SGCZ: variants seen among roughly 807,000 people sequenced by gnomAD.
SGCZ encodes the protein sarcoglycan zeta.
In SGCZ, 40 loss-of-function variants were observed where a neutral mutation model predicts 41.3. That is an observed-to-expected ratio of 0.97 (90% CI 0.75 to 1.26). The LOEUF (loss-of-function observed/expected upper bound fraction) is 1.26, where lower values mean the gene tolerates loss of function less well. Among genes scored for constraint, SGCZ ranks in the 50% most tolerant of loss-of-function variants. The pLI is 0.00. For synonymous variants in SGCZ, 206 were observed against 137.5 expected, an observed-to-expected ratio of 1.50 and a Z score of -3.49; for missense variants, 552 against 369.8, an observed-to-expected ratio of 1.49 and a Z score of -4.04.
intron 1 of SGCZ, among the ~76,000 whole-genome samples, chr8:14,863,802 T>C (rs754564020): frequency 6.6e-6 from 1 of 152,258 alleles, no homozygotes; most frequent in East Asian, 1.9e-4. Flanking sequence ...CCACATCATG[T>C]GAAGACTGGG....
At chr8:14,685,672 A>T (rs1808588798) in intron 1 of SGCZ, among the ~76,000 whole-genome samples, 1 of 152,088 alleles carries the variant, frequency 6.6e-6, no homozygotes. Flanking sequence ...TCATTTCCAT[A>T]TCTACATTAA....
chr8:14,916,834 G>A (rs1468578165), intron 1 of SGCZ, among the ~76,000 whole-genome samples: 1 of 151,980 alleles, frequency 6.6e-6, no homozygotes, highest in African/African-American at 2.4e-5. Flanking sequence ...TGGGTACTTT[G>A]TAAAAATAGA....
chr8:14,132,111 C>T (rs1019900419), intron 5 of SGCZ, among the ~76,000 whole-genome samples: 1 of 152,036 alleles, frequency 6.6e-6, no homozygotes, highest in Non-Finnish European at 1.5e-5. Context: ...CCCAGAGGTC[C>T]CTTAGCCTGT....
chr8:14,988,025 T>C (rs917276029), intron 1 of SGCZ, among the ~76,000 whole-genome samples: 10 of 151,990 alleles, frequency 6.6e-5, no homozygotes, highest in Non-Finnish European at 1.3e-4. Flanking sequence ...ACATTTCTTA[T>C]TTGAGCCTAC....
intron 2 of SGCZ, among the ~76,000 whole-genome samples, chr8:14,372,596 G>C (rs756476561): frequency 6.6e-6 from 1 of 152,146 alleles, no homozygotes; most frequent in South Asian, 2.1e-4. Flanking sequence ...ATTTTAAGCA[G>C]ATTTGTAGGA....
intron 2 of SGCZ, among the ~76,000 whole-genome samples, chr8:14,550,959 C>T (rs991162060): frequency 1.1e-4 from 16 of 151,922 alleles, no homozygotes; most frequent in Non-Finnish European, 2.1e-4. Flanking sequence ...CAACTTTCTT[C>T]CCAATGATCA....
intron 3 of SGCZ, among the ~76,000 whole-genome samples, chr8:14,274,153 T>G (rs529969365): frequency 1.3e-5 from 2 of 152,292 alleles, no homozygotes; most frequent in African/African-American, 4.8e-5. Flanking sequence ...AGTACACTAT[T>G]TCTTATGCTA....
At chr8:14,920,093 T>G (rs1169154560) in intron 1 of SGCZ, among the ~76,000 whole-genome samples, 3 of 152,144 alleles carry the variant, frequency 2.0e-5, no homozygotes, top group African/African-American at 7.2e-5. Context: ...TAACTGCCAT[T>G]TATCTGGGCT....
At chr8:14,814,338 G>A (rs1801831510) in intron 1 of SGCZ, among the ~76,000 whole-genome samples, 1 of 152,082 alleles carries the variant, frequency 6.6e-6, no homozygotes, top group Non-Finnish European at 1.5e-5. Flanking sequence ...GGCCCTGTTT[G>A]AGTTTTTCCT....
At chr8:14,550,035 C>T (rs887413697) in intron 2 of SGCZ, among the ~76,000 whole-genome samples, 6 of 151,936 alleles carry the variant, frequency 3.9e-5, no homozygotes, top group South Asian at 2.1e-4. Context: ...TCCTTCTAGA[C>T]GCTAGAACCT....
intron 1 of SGCZ, among the ~76,000 whole-genome samples, chr8:15,062,982 T>C (rs745955162): frequency 4.6e-5 from 7 of 152,162 alleles, no homozygotes; most frequent in Non-Finnish European, 1.0e-4. Flanking sequence ...GTCAATTGTG[T>C]TTAAAATGGT....
chr8:14,338,874 A>G (rs2117071946), intron 2 of SGCZ, among the ~76,000 whole-genome samples: 1 of 152,236 alleles, frequency 6.6e-6, no homozygotes, highest in African/African-American at 2.4e-5. Context: ...GCAGGTAAGA[A>G]AAGGATGTCT....
At chr8:14,518,645 C>T (rs1025061472) in intron 2 of SGCZ, among the ~76,000 whole-genome samples, 2 of 151,946 alleles carry the variant, frequency 1.3e-5, no homozygotes, top group Non-Finnish European at 2.9e-5. Flanking sequence ...TTACTTTTGG[C>T]AGCTTTCCAT....
intron 1 of SGCZ, among the ~76,000 whole-genome samples, chr8:14,848,115 T>A (rs1803196842): frequency 6.6e-6 from 1 of 152,010 alleles, no homozygotes; most frequent in African/African-American, 2.4e-5. Context: ...AAAAATATTA[T>A]ATACAGTAGC....
In SGCZ at chr8:14,251,259, G is replaced by A. The variant is rs187907319; in HGVS notation, c.337-13580C>T. Among the ~76,000 whole-genome samples the A allele has an allele frequency of 2.5e-3, 374 of 152,118 alleles. 1 individual carries two copies. Among genetic ancestry groups the A allele is most frequent in the Middle Eastern group, 6.8e-3 (2 of 294 alleles). Reference sequence around the variant, plus strand: ...AATGAAAACAAATACAAACAAAAACGAAAGACATACTCAAAGGCACTGATA... The same window carrying A: ...AATGAAAACAAATACAAACAAAAACAAAAGACATACTCAAAGGCACTGATA... On this transcript the variant is annotated intron_variant, in intron 3 of 7. Coordinates refer to ENST00000382080, the MANE Select transcript of SGCZ (RefSeq NM_139167.4).
chr8:14,882,646 A>G (rs1378460447), intron 1 of SGCZ, among the ~76,000 whole-genome samples: 3 of 152,132 alleles, frequency 2.0e-5, no homozygotes, highest in Non-Finnish European at 4.4e-5. Flanking sequence ...TTTATTGTCC[A>G]CCACCTATAT....
chr8:14,739,608 A>C (rs1016812912), intron 1 of SGCZ, among the ~76,000 whole-genome samples: 1 of 152,036 alleles, frequency 6.6e-6, no homozygotes, highest in Non-Finnish European at 1.5e-5. Context: ...TTTTAATGTA[A>C]ATTCTTCTTT....
intron 2 of SGCZ, among the ~76,000 whole-genome samples, chr8:14,489,662 T>A (rs1388151014): frequency 2.0e-5 from 3 of 151,898 alleles, no homozygotes; most frequent in Non-Finnish European, 4.4e-5. Flanking sequence ...GAAATTGGCA[T>A]ATTTCTTTCT....
chr8:14,255,960 C>A (rs7821673), intron 3 of SGCZ, among the ~76,000 whole-genome samples: 45,416 of 151,912 alleles, frequency 0.3, 7,541 homozygotes, highest in Non-Finnish European at 0.38. Flanking sequence ...AAAACTGCCA[C>A]ATGTTTCATT....
Sources: allele counts gnomAD v4.1 joint callset (sites outside exome capture counted in the v4.1 genomes callset), GRCh38; gene constraint gnomAD v4.1.1; transcripts MANE v1.5; gene names NCBI Gene and HGNC (gene_info 2026-07-23, HGNC 2026-07-21).